Variants in TTLL11 observed in about 807,000 individuals in gnomAD.
The protein encoded by TTLL11 is tubulin tyrosine ligase like 11, also known as tubulin polyglutamylase TTLL11.
In TTLL11, 42 loss-of-function variants were observed where a neutral mutation model predicts 51.7. The ratio of observed to expected loss-of-function variants is 0.81; its 90% CI spans 0.64 to 1.05. The LOEUF (loss-of-function observed/expected upper bound fraction) is 1.05. TTLL11 is among the 50% of genes least tolerant of loss of function. The pLI, the probability that TTLL11 is intolerant of heterozygous loss-of-function variation, is 0.00. For missense variants in TTLL11, 799 were observed against 940.4 expected, an observed-to-expected ratio of 0.85 and a Z score of 1.97; for synonymous variants, 381 against 383.5, an observed-to-expected ratio of 0.99 and a Z score of 0.08.
intron 4 of TTLL11, among the ~76,000 whole-genome samples, chr9:121,978,172 A>G (rs1252834293): frequency 6.6e-6 from 1 of 152,218 alleles, no homozygotes; most frequent in Non-Finnish European, 1.5e-5. Flanking sequence ...ATTTTTTCAC[A>G]AGTTCAAGGA....
intron 1 of TTLL11, among the ~76,000 whole-genome samples, chr9:122,048,138 C>T (rs967798539): frequency 6.6e-5 from 10 of 152,074 alleles, no homozygotes; most frequent in African/African-American, 2.4e-4. Flanking sequence ...CACAGCAGGA[C>T]GAGAGACTTT....
At chr9:122,020,702 G>A (rs1456156134) in intron 3 of TTLL11, among the ~76,000 whole-genome samples, 1 of 152,222 alleles carries the variant, frequency 6.6e-6, no homozygotes, top group African/African-American at 2.4e-5. Context: ...GGCAATTAGA[G>A]CATGGAGGTG....
At chr9:121,923,549 T>G (rs1320631061) in intron 6 of TTLL11, among the ~76,000 whole-genome samples, 1 of 152,232 alleles carries the variant, frequency 6.6e-6, no homozygotes, top group Non-Finnish European at 1.5e-5. Context: ...TCAGTGCTTA[T>G]GAAGACAACC....
intron 3 of TTLL11, among the ~76,000 whole-genome samples, chr9:122,015,807 C>CAAAAAAAAAA (rs11297849): frequency 3.2e-5 from 3 of 94,488 alleles, no homozygotes; most frequent in African/African-American, 1.1e-4. Flanking sequence ...TCAAAAGAGA[C>CAAAAAAAAAA]AAAAAAAAAA....
chr9:121,916,215 C>G (rs1840320930), intron 6 of TTLL11, among the ~76,000 whole-genome samples: 1 of 152,138 alleles, frequency 6.6e-6, no homozygotes, highest in African/African-American at 2.4e-5. Flanking sequence ...CCTTACTGTA[C>G]TGATAAGTAA....
chr9:122,052,507 G>T (rs1480034678), intron 1 of TTLL11, among the ~76,000 whole-genome samples: 2 of 152,170 alleles, frequency 1.3e-5, no homozygotes, highest in Non-Finnish European at 2.9e-5. Context: ...ACCTAGCACG[G>T]GGCCTGGCAC....
At chr9:121,876,871 T>C (rs958364527) in intron 6 of TTLL11, among the ~76,000 whole-genome samples, 1 of 152,176 alleles carries the variant, frequency 6.6e-6, no homozygotes, top group South Asian at 2.1e-4. Context: ...CAGTCTGTTG[T>C]AGCAAACCCT....
At chr9:121,907,467 A>G (rs1369703368) in intron 6 of TTLL11, among the ~76,000 whole-genome samples, 1 of 149,600 alleles carries the variant, frequency 6.7e-6, no homozygotes, top group Admixed American at 6.7e-5. Context: ...AAAAAAAAAT[A>G]GAGATTTCAA....
chr9:121,963,277 A>G (rs1842296522), intron 6 of TTLL11, among the ~76,000 whole-genome samples: 1 of 152,124 alleles, frequency 6.6e-6, no homozygotes, highest in African/African-American at 2.4e-5. Flanking sequence ...CTTTTTTTCT[A>G]ATGAAGAAAC....
intron 6 of TTLL11, among the ~76,000 whole-genome samples, chr9:121,900,601 C>T (rs919121996): frequency 6.6e-6 from 1 of 152,092 alleles, no homozygotes; most frequent in Non-Finnish European, 1.5e-5. Context: ...CTATTATCTC[C>T]TTCTGGAACT....
intron 4 of TTLL11, among the ~76,000 whole-genome samples, chr9:121,985,508 CTTTTCTTTT>C (rs1842919858): frequency 2.3e-5 from 3 of 131,342 alleles, no homozygotes; most frequent in Admixed American, 1.6e-4. Flanking sequence ...ATACCATTTT[CTTTTCTTTT>C]TTTTTTTTTT....
intron 6 of TTLL11, among the ~76,000 whole-genome samples, chr9:121,918,914 C>T (rs769747882): frequency 4.6e-5 from 7 of 152,182 alleles, no homozygotes; most frequent in Non-Finnish European, 8.8e-5. Flanking sequence ...TTCAAAAACA[C>T]GCCAAGTAAC....
intron 6 of TTLL11, among the ~76,000 whole-genome samples, chr9:121,926,863 G>T (rs1031488311): frequency 6.6e-6 from 1 of 152,226 alleles, no homozygotes; most frequent in African/African-American, 2.4e-5. Context: ...ATTTCCCGTG[G>T]TTTGGAGGCT....
intron 6 of TTLL11, among the ~76,000 whole-genome samples, chr9:121,881,466 C>A (rs1034030082): frequency 6.6e-6 from 1 of 152,208 alleles, no homozygotes; most frequent in Non-Finnish European, 1.5e-5. Context: ...GTCAGATACT[C>A]CCTCTTCAGA....
At chr9:121,892,926 T>C (rs1220667820) in intron 6 of TTLL11, among the ~76,000 whole-genome samples, 1 of 152,054 alleles carries the variant, frequency 6.6e-6, no homozygotes, top group African/African-American at 2.4e-5. Flanking sequence ...GGGGCCCCAG[T>C]TGGAAGTGAG....
intron 1 of TTLL11, among the ~76,000 whole-genome samples, chr9:122,062,562 G>T (rs560083477): frequency 8.6e-4 from 114 of 132,452 alleles, no homozygotes; most frequent in Non-Finnish European, 1.3e-3. Context: ...TCCATTTCCC[G>T]GGTTCAAGCA....
intron 1 of TTLL11, among the ~76,000 whole-genome samples, chr9:122,049,787 C>T (rs1845110271): frequency 6.6e-6 from 1 of 152,134 alleles, no homozygotes; most frequent in African/African-American, 2.4e-5. Flanking sequence ...TGAAATTTCA[C>T]AGTGAATGCT....
intron 1 of TTLL11, among the ~76,000 whole-genome samples, chr9:122,077,097 G>A (rs1845882749): frequency 6.6e-6 from 1 of 152,080 alleles, no homozygotes; most frequent in Non-Finnish European, 1.5e-5. Context: ...AGAACGAGGA[G>A]AAAATGAAGG....
rs753831579 is a variant in TTLL11, at chr9:121,898,163, C to T, written c.1482-27415G>A. 7.9e-5 allele frequency among the ~76,000 whole-genome samples: 12 copies of T among 152,270 alleles called. No individual in the cohort carries two copies. The Middle Eastern group carries it at 0.01, about 129-fold the overall frequency. The stretch of plus-strand genomic sequence containing the variant: ...GAGCTCCTGACCTCAAGTGACCTGC[C>T]TCAGCCTGCCAAAGTGCTGGGATTA... On this transcript the variant is annotated intron_variant, in intron 6 of 8. Coordinates refer to ENST00000321582, the MANE Select transcript of TTLL11 (RefSeq NM_001139442.2).
Sources: allele counts gnomAD v4.1 joint callset (sites outside exome capture counted in the v4.1 genomes callset), GRCh38; gene constraint gnomAD v4.1.1; transcripts MANE v1.5; gene names NCBI Gene and HGNC (gene_info 2026-07-23, HGNC 2026-07-21).